PTPRD: variants seen among roughly 807,000 people sequenced by gnomAD.
PTPRD encodes the protein receptor-type tyrosine-protein phosphatase delta.
In PTPRD, 34 loss-of-function variants were observed where a neutral mutation model predicts 214.5. That is an observed-to-expected ratio of 0.16 (90% CI 0.12 to 0.21). The LOEUF (loss-of-function observed/expected upper bound fraction) is 0.21. Ranked by LOEUF, PTPRD falls within the 10% of genes least tolerant of loss-of-function variation. PTPRD has a pLI of 1.00. For synonymous variants in PTPRD, 1,128 were observed against 845.7 expected, an observed-to-expected ratio of 1.33 and a Z score of -5.79; for missense variants, 2,545 against 2,398.7, an observed-to-expected ratio of 1.06 and a Z score of -1.27.
intron 10 of PTPRD, among the ~76,000 whole-genome samples, chr9:9,082,226 G>A (rs761395243): frequency 1.1e-4 from 17 of 151,648 alleles, no homozygotes; most frequent in Non-Finnish European, 1.6e-4. Context: ...CTGGCAAACC[G>A]AATCCAGCAG....
rs547152331 is a variant in PTPRD at position 8,879,600 on chromosome 9, A to T, written c.-104+139097T>A. 6.6e-5 allele frequency among the ~76,000 whole-genome samples: 10 copies of T among 152,272 alleles called. No individual in the cohort carries two copies. The South Asian group carries it at 8.3e-4, about 13-fold the overall frequency. ...ATGATTAATGTCTACTCCCTATCCCAATTGTGAATTATAGATTTATCAAAA... is the reference window on the plus strand; with the variant it reads ...ATGATTAATGTCTACTCCCTATCCCTATTGTGAATTATAGATTTATCAAAA... On this transcript the variant is annotated intron_variant, in intron 11 of 45. Coordinates refer to ENST00000381196, the MANE Select transcript of PTPRD (RefSeq NM_002839.4).
At chr9:9,887,653 C>T (rs185618220) in intron 5 of PTPRD, among the ~76,000 whole-genome samples, 194 of 152,130 alleles carry the variant, frequency 1.3e-3, no homozygotes, top group African/African-American at 3.5e-3. Flanking sequence ...TTGCATGAGG[C>T]GTAGTAGAAA....
At chr9:8,448,729 G>T (rs938593124) in intron 34 of PTPRD, among the ~76,000 whole-genome samples, 1 of 152,100 alleles carries the variant, frequency 6.6e-6, no homozygotes, top group African/African-American at 2.4e-5. Flanking sequence ...ATGTAAAAGA[G>T]AAAATATGCT....
rs572668789 is a variant in PTPRD, at chr9:10,096,682, G to T, written c.-544-62892C>A. On this transcript the variant is annotated intron_variant, in intron 3 of 45. Transcript: ENST00000381196. ...AGGTTGCAAAAATTCTCTCCCATTCGGTAGGTTGCCTGTTCACTCTGATGG... is the reference window on the plus strand; with the variant it reads ...AGGTTGCAAAAATTCTCTCCCATTCTGTAGGTTGCCTGTTCACTCTGATGG... 3.5e-3 allele frequency among the ~76,000 whole-genome samples: 537 copies of T among 151,730 alleles called. 5 individuals carry two copies. Among genetic ancestry groups the T allele is most frequent in the African/African-American group, 8.4e-3 (350 of 41,428 alleles).
rs968585435 is a variant in PTPRD, at chr9:8,495,877, G to A, written c.2349+1365C>T. On this transcript the variant is annotated intron_variant, in intron 26 of 45. Coordinates refer to ENST00000381196, the MANE Select transcript of PTPRD (RefSeq NM_002839.4). ...TTCATTCAGTGAATGGAAGAATACCGTCTTGCCAGCCTTTAACTCATTTTT... is the reference window on the plus strand; with the variant it reads ...TTCATTCAGTGAATGGAAGAATACCATCTTGCCAGCCTTTAACTCATTTTT... 3.9e-5 allele frequency among the ~76,000 whole-genome samples: 6 copies of A among 152,094 alleles called. No individual in the cohort carries two copies. The South Asian group carries it at 6.2e-4, about 16-fold the overall frequency.
chr9:8,383,892 C>T (rs765651524), intron 37 of PTPRD, among the ~76,000 whole-genome samples: 3 of 152,148 alleles, frequency 2.0e-5, no homozygotes, highest in Non-Finnish European at 4.4e-5. Context: ...TATTCTAACC[C>T]TGACTAAGCC....
intron 5 of PTPRD, among the ~76,000 whole-genome samples, chr9:9,802,779 T>C (rs62533683): frequency 0.015 from 2,227 of 151,984 alleles, 42 homozygotes; most frequent in Non-Finnish European, 0.023. Context: ...TGAGGACTTC[T>C]AACACATGCT....
At chr9:10,509,965 C>T (rs1322740733) in intron 2 of PTPRD, among the ~76,000 whole-genome samples, 2 of 151,900 alleles carry the variant, frequency 1.3e-5, no homozygotes, top group Non-Finnish European at 1.5e-5. Flanking sequence ...TTCCTATTTC[C>T]TTATTGGTAG....
intron 32 of PTPRD, among the ~76,000 whole-genome samples, chr9:8,461,815 T>TA (rs1391867882): frequency 1.1e-4 from 17 of 151,740 alleles, no homozygotes; most frequent in Non-Finnish European, 2.5e-4. Flanking sequence ...ATTCTTTTTT[T>TA]AAAAAAATTT....
At chr9:8,744,533 G>A (rs1249932934) in intron 11 of PTPRD, among the ~76,000 whole-genome samples, 2 of 152,200 alleles carry the variant, frequency 1.3e-5, no homozygotes, top group Non-Finnish European at 2.9e-5. Flanking sequence ...TATTCTAAGT[G>A]AAGTAGCTCA....
intron 12 of PTPRD, among the ~76,000 whole-genome samples, chr9:8,677,815 C>A (rs942212284): frequency 6.6e-6 from 1 of 152,180 alleles, no homozygotes. Flanking sequence ...CCAGGCACCA[C>A]AAGCAGCGGG....
chr9:9,559,640 A>G (rs2082391184), intron 8 of PTPRD, among the ~76,000 whole-genome samples: 1 of 152,230 alleles, frequency 6.6e-6, no homozygotes, highest in Middle Eastern at 3.2e-3. Flanking sequence ...ACTATGACAT[A>G]TAGTGGAGCT....
At chr9:9,193,048 G>A (rs1305699746) in intron 9 of PTPRD, among the ~76,000 whole-genome samples, 3 of 152,052 alleles carry the variant, frequency 2.0e-5, no homozygotes, top group Non-Finnish European at 4.4e-5. Context: ...CCATTCCTCT[G>A]TTTTGCTTGT....
chr9:8,601,839 T>A (rs1026711495), intron 14 of PTPRD, among the ~76,000 whole-genome samples: 15 of 152,116 alleles, frequency 9.9e-5, no homozygotes, highest in Admixed American at 3.3e-4. Flanking sequence ...ATTTATTAAT[T>A]TAGTCAGTTA....
At chr9:9,360,327 A>C (rs1018025610) in intron 9 of PTPRD, among the ~76,000 whole-genome samples, 13 of 151,234 alleles carry the variant, frequency 8.6e-5, no homozygotes, top group Admixed American at 8.6e-4. Context: ...ACCTCAATTT[A>C]ACAGAAGCAA....
At chr9:8,349,256 A>T (rs1313168959) in intron 39 of PTPRD, among the ~76,000 whole-genome samples, 2 of 152,126 alleles carry the variant, frequency 1.3e-5, no homozygotes, top group Non-Finnish European at 2.9e-5. Context: ...AACCTCCGGC[A>T]CTTATTTTTC....
chr9:8,555,246 G>T (rs1338066154), intron 14 of PTPRD, among the ~76,000 whole-genome samples: 1 of 152,018 alleles, frequency 6.6e-6, no homozygotes, highest in Admixed American at 6.6e-5. Context: ...TGTATAAAAA[G>T]ACTTTTAAAA....
chr9:9,383,844 G>T (rs1215987525), intron 9 of PTPRD, among the ~76,000 whole-genome samples: 1 of 151,986 alleles, frequency 6.6e-6, no homozygotes, highest in Non-Finnish European at 1.5e-5. Flanking sequence ...AAGTCTAATA[G>T]AAGAGTAGCT....
chr9:10,397,018 G>C (rs887143959), intron 2 of PTPRD, among the ~76,000 whole-genome samples: 5 of 151,906 alleles, frequency 3.3e-5, no homozygotes, highest in African/African-American at 1.2e-4. Flanking sequence ...GGCAGGTGTG[G>C]GGCTCTTACA....
Sources: allele counts gnomAD v4.1 joint callset (sites outside exome capture counted in the v4.1 genomes callset), GRCh38; gene constraint gnomAD v4.1.1; transcripts MANE v1.5; gene names NCBI Gene and HGNC (gene_info 2026-07-23, HGNC 2026-07-21).